Variants in LRRC37A2 observed in about 807,000 individuals in gnomAD.
The protein encoded by LRRC37A2 is leucine rich repeat containing 37 member A2.
LRRC37A2 carries 9 observed loss-of-function variants against 68.8 expected under a neutral mutation model. The ratio of observed to expected loss-of-function variants is 0.13; its 90% CI spans 0.08 to 0.23. LRRC37A2 has a LOEUF of 0.23. Among genes scored for constraint, LRRC37A2 ranks in the 10% least tolerant of loss-of-function variants. The probability of loss-of-function intolerance (pLI) is 1.00; values close to 1 mark genes in which losing one functional copy is unlikely to be tolerated. For missense variants in LRRC37A2, 168 were observed against 950.4 expected (o/e 0.18, Z 10.82); for synonymous variants, 63 against 367.6 (o/e 0.17, Z 9.48).
chr17:46,983,313 T>C, the LRRC37A2 span, among the ~76,000 whole-genome samples: 2 of 69,816 alleles, frequency 2.9e-5, no homozygotes, highest in Non-Finnish European at 3.2e-5. Context: ...TTTTTTTTTT[T>C]TGAGACGGAG....
At chr17:46,932,225 G>A in the LRRC37A2 span, 5 of 1,613,542 alleles carry the variant, frequency 3.1e-6, no homozygotes, top group Non-Finnish European at 4.2e-6. Flanking sequence ...GGTGAGGGTC[G>A]GCCTGCACTT....
the LRRC37A2 span, among the ~76,000 whole-genome samples, chr17:46,824,967 G>A: frequency 1.8e-4 from 28 of 152,336 alleles, 1 homozygote; most frequent in East Asian, 3.7e-3. Flanking sequence ...GCCACATGGG[G>A]GCATCTGGGG....
chr17:46,731,176 A>G, the LRRC37A2 span, among the ~76,000 whole-genome samples: 2 of 152,164 alleles, frequency 1.3e-5, no homozygotes, highest in Non-Finnish European at 2.9e-5. Flanking sequence ...AAGTAGTACC[A>G]TTACATACTA....
chr17:46,710,690 TTCTC>T, the LRRC37A2 span, among the ~76,000 whole-genome samples: 2 of 152,216 alleles, frequency 1.3e-5, no homozygotes, highest in Non-Finnish European at 2.9e-5. Context: ...AACATATTCT[TTCTC>T]TCAGGAATTA....
At chr17:46,728,285 AT>A in the LRRC37A2 span, among the ~76,000 whole-genome samples, 1 of 151,808 alleles carries the variant, frequency 6.6e-6, no homozygotes, top group Admixed American at 6.6e-5. Context: ...GAAATTCCTT[AT>A]TTTCCCCTTT....
chr17:46,997,040 A>G, the LRRC37A2 span, among the ~76,000 whole-genome samples: 3 of 152,312 alleles, frequency 2.0e-5, no homozygotes, highest in Non-Finnish European at 2.9e-5. Flanking sequence ...TGAAGACAGG[A>G]TGATAGAATT....
the LRRC37A2 span, among the ~76,000 whole-genome samples, chr17:46,873,092 AC>A: frequency 7.0e-5 from 2 of 28,510 alleles, no homozygotes; most frequent in African/African-American, 2.1e-4. Flanking sequence ...CTCTTCACAC[AC>A]ACACACACAC....
At chr17:46,495,560 T>C in the LRRC37A2 span, among the ~76,000 whole-genome samples, 1 of 149,098 alleles carries the variant, frequency 6.7e-6, no homozygotes, top group South Asian at 2.1e-4. Context: ...AATTTTTGTA[T>C]TTTTAGTAGA....
At chr17:46,839,570 A>G in the LRRC37A2 span, among the ~76,000 whole-genome samples, 1 of 152,208 alleles carries the variant, frequency 6.6e-6, no homozygotes, top group Non-Finnish European at 1.5e-5. Flanking sequence ...TCTAGGGTAC[A>G]TGTGCACAAT....
At chr17:46,771,926 CCCGCCGCGCCG>C in the LRRC37A2 span, among the ~76,000 whole-genome samples, 3 of 145,294 alleles carry the variant, frequency 2.1e-5, no homozygotes, top group Admixed American at 2.0e-4. Flanking sequence ...GCGCCTCGGG[CCCGCCGCGCCG>C]CCGCCGCGCC....
chr17:46,997,999 A>G, the LRRC37A2 span, among the ~76,000 whole-genome samples: 70,015 of 150,472 alleles, frequency 0.47, 16,995 homozygotes, highest in Non-Finnish European at 0.54. Flanking sequence ...AATAAACGGA[A>G]AAAGAGAAAG....
chr17:46,804,548 C>A, the LRRC37A2 span, among the ~76,000 whole-genome samples: 1 of 152,162 alleles, frequency 6.6e-6, no homozygotes. Context: ...CCCCTCTTTC[C>A]CTGATTTAAA....
At chr17:46,840,277 G>A in the LRRC37A2 span, among the ~76,000 whole-genome samples, 11 of 152,024 alleles carry the variant, frequency 7.2e-5, no homozygotes, top group South Asian at 2.1e-4. Flanking sequence ...TAGTAGAGAC[G>A]GGGTTTCACC....
At chr17:46,475,333 G>T in the LRRC37A2 span, 3 of 779,142 alleles carry the variant, frequency 3.9e-6, no homozygotes, top group Non-Finnish European at 5.6e-6. Flanking sequence ...AAAATTGATG[G>T]CATGGAGCAG....
intron 8 of LRRC37A2, among the ~76,000 whole-genome samples, chr17:46,545,343 C>A (rs1456003991): frequency 7.1e-6 from 1 of 140,210 alleles, no homozygotes; most frequent in Admixed American, 7.0e-5. Context: ...CCCAGCTACT[C>A]AGGAGGCTGA....
At chr17:46,767,720 T>C in the LRRC37A2 span, among the ~76,000 whole-genome samples, 1 of 152,178 alleles carries the variant, frequency 6.6e-6, no homozygotes, top group Non-Finnish European at 1.5e-5. Context: ...ATAACTAACT[T>C]GTGTAAAAAT....
At chr17:46,832,874 G>C in the LRRC37A2 span, 1 of 164,518 alleles carries the variant, frequency 6.1e-6, no homozygotes, top group Non-Finnish European at 1.3e-5. Context: ...GGTCCATCCA[G>C]GTTAGGGGGG....
chr17:46,979,992 C>CT, the LRRC37A2 span, among the ~76,000 whole-genome samples: 1 of 152,128 alleles, frequency 6.6e-6, no homozygotes, highest in Non-Finnish European at 1.5e-5. Flanking sequence ...TGCTTACTGC[C>CT]TCCCAACCTT....
the LRRC37A2 span, chr17:46,704,875 A>C: frequency 6.3e-7 from 1 of 1,581,284 alleles, no homozygotes; most frequent in East Asian, 2.3e-5. Flanking sequence ...CCATTGAGTG[A>C]TATATAGGCC....
Sources: gnomAD v4.1 joint callset for allele counts (sites outside exome capture counted in the v4.1 genomes callset) on GRCh38, gnomAD v4.1.1 for gene constraint, MANE v1.5 for transcripts, NCBI Gene and HGNC (gene_info 2026-07-23, HGNC 2026-07-21) for gene names.